The following ASCC3 variants were observed in gnomAD, a reference collection of about 807,000 sequenced individuals.
The protein encoded by ASCC3 is activating signal cointegrator 1 complex subunit 3, also known as ASC-1 complex subunit P200.
Under a neutral mutation model 256.3 loss-of-function variants are expected in ASCC3, and 158 were observed. That is an observed-to-expected ratio of 0.62 (90% CI 0.54 to 0.70). The LOEUF is 0.70. Among genes scored for constraint, ASCC3 ranks in the 30% least tolerant of loss-of-function variants. ASCC3 has a pLI of 0.00. For missense variants in ASCC3, 2,259 were observed against 2,626.0 expected (o/e 0.86, Z 3.05); for synonymous variants, 948 against 883.4 (o/e 1.07, Z -1.30).
intron 36 of ASCC3, among the ~76,000 whole-genome samples, chr6:100,546,029 A>G (rs1490849249): frequency 6.6e-6 from 1 of 152,344 alleles, no homozygotes; most frequent in East Asian, 1.9e-4. Context: ...AGAAAGTCCA[A>G]TGATATTTAA....
chr6:100,619,659 T>G (rs1031932363), intron 30 of ASCC3, among the ~76,000 whole-genome samples: 1 of 152,190 alleles, frequency 6.6e-6, no homozygotes, highest in African/African-American at 2.4e-5. Context: ...GCCCCCTGGC[T>G]AGTTGCAGAA....
At chr6:100,590,084 T>A in intron 34 of ASCC3, 25 bp from the exon 35 acceptor site, 1 of 1,525,914 alleles carries the variant, frequency 6.6e-7, no homozygotes, top group South Asian at 1.1e-5. Flanking sequence ...AGGTTATTAT[T>A]ATTTGTTTCA....
chr6:100,737,997 T>C (rs1410418117), intron 10 of ASCC3, among the ~76,000 whole-genome samples: 2 of 152,248 alleles, frequency 1.3e-5, no homozygotes, highest in Non-Finnish European at 2.9e-5. Context: ...CTGTCTTTCA[T>C]GTTTGTTGGC....
chr6:100,530,724 G>T, intron 37 of ASCC3: 1 of 956,988 alleles, frequency 1.0e-6, no homozygotes, highest in Admixed American at 1.7e-5. Flanking sequence ...AGAATTGAAA[G>T]AACCAGGACA....
chr6:100,723,897 T>TATATATA, intron 11 of ASCC3, among the ~76,000 whole-genome samples: 1 of 121,076 alleles, frequency 8.3e-6, no homozygotes, highest in Admixed American at 8.5e-5. Flanking sequence ...TATATATATA[T>TATATATA]TTATAATTAT....
chr6:100,579,085 T>C (rs1457879210), intron 36 of ASCC3, among the ~76,000 whole-genome samples: 3 of 152,082 alleles, frequency 2.0e-5, no homozygotes, highest in Non-Finnish European at 2.9e-5. Context: ...ATTAGTGACG[T>C]TGAGCACTTT....
intron 8 of ASCC3, among the ~76,000 whole-genome samples, chr6:100,797,751 T>C (rs1176990340): frequency 6.6e-6 from 1 of 152,098 alleles, no homozygotes; most frequent in Non-Finnish European, 1.5e-5. Flanking sequence ...CTATGAGTAC[T>C]TCTGATATAC....
chr6:100,835,543 T>C (rs958712618), intron 4 of ASCC3, among the ~76,000 whole-genome samples: 4 of 152,168 alleles, frequency 2.6e-5, no homozygotes, highest in African/African-American at 9.6e-5. Flanking sequence ...TTATCCATTG[T>C]GTCTTCTTGG....
intron 10 of ASCC3, among the ~76,000 whole-genome samples, chr6:100,739,165 T>G (rs968277853): frequency 7.2e-4 from 110 of 152,368 alleles, no homozygotes; most frequent in African/African-American, 2.5e-3. Context: ...TGTTGAATTT[T>G]TATCAAAGGC....
rs867753896 is a variant in ASCC3 at position 100,638,666 on chromosome 6, ATC to A, written c.4055_4056del (p.Gly1352ValfsTer8). The A allele has an allele frequency of 6.2e-7, 1 of 1,614,096 alleles. No individual in the cohort carries two copies. Among genetic ancestry groups the A allele is most frequent in the Non-Finnish European group, 8.5e-7 (1 of 1,179,966 alleles). Reference sequence around the variant, plus strand: ...AATTCAGCTGCAACAGTCTTTCCCGATCCAGTAGGTGCTCCAAGTAGGACATT... The same window carrying A: ...AATTCAGCTGCAACAGTCTTTCCCGACAGTAGGTGCTCCAAGTAGGACATT... ...DCNVLLGAPT[G>X]SGKTVAAELA... On this transcript the variant is annotated frameshift_variant, in exon 25 of 42. Coordinates refer to ENST00000369162, the MANE Select transcript of ASCC3 (RefSeq NM_006828.4). LOFTEE classifies it high-confidence loss of function.
At chr6:100,769,223 G>A (rs1781802711) in intron 8 of ASCC3, among the ~76,000 whole-genome samples, 1 of 151,990 alleles carries the variant, frequency 6.6e-6, no homozygotes, top group Admixed American at 6.6e-5. Context: ...ACAGAGGACA[G>A]GGGGAAGAAA....
intron 14 of ASCC3, among the ~76,000 whole-genome samples, chr6:100,675,933 T>A (rs1368525833): frequency 6.6e-6 from 1 of 152,166 alleles, no homozygotes; most frequent in Non-Finnish European, 1.5e-5. Context: ...AACTGAAGGA[T>A]TCATTTAACT....
At chr6:100,773,036 T>C (rs1055084582) in intron 8 of ASCC3, among the ~76,000 whole-genome samples, 1 of 152,130 alleles carries the variant, frequency 6.6e-6, no homozygotes, top group Non-Finnish European at 1.5e-5. Context: ...CCTAATTATT[T>C]CTATAGCCAT....
Position 100,604,402 on chromosome 6 carries a change from A to AT in ASCC3, c.5177+1165dup, listed in dbSNP as rs1006044585. ...TTTCTTTCTTTGAGTTTAATTCGCT[A>AT]TTTTTTTTTCTAAATTCTTGAGATC... On this transcript the variant is annotated intron_variant, in intron 33 of 41. Coordinates refer to ENST00000369162, the MANE Select transcript of ASCC3 (RefSeq NM_006828.4). Among the ~76,000 whole-genome samples, 9 of 149,306 alleles carry AT rather than the reference A, an allele frequency of 6.0e-5. No homozygotes were observed. The South Asian group carries it at 8.5e-4, about 14-fold the overall frequency.
At chr6:100,708,558 G>A (rs1434397422) in intron 13 of ASCC3, among the ~76,000 whole-genome samples, 2 of 151,990 alleles carry the variant, frequency 1.3e-5, no homozygotes, top group Non-Finnish European at 2.9e-5. Context: ...GGAACATCTG[G>A]TAATGTCTGG....
Position 100,627,990 on chromosome 6 carries a change from A to G in ASCC3, c.4376-3T>C, listed in dbSNP as rs1165825871. On this transcript the variant is annotated splice_region_variant and splice_polypyrimidine_tract_variant and intron_variant, in intron 27 of 41. Transcript: ENST00000369162. The stretch of plus-strand genomic sequence containing the variant: ...TAGAACAGGGCCTCTTTCCTCCCCT[A>G]GAAAATAGGGAAAAATCAATGTTAA... 1.2e-6 allele frequency: 2 copies of G among 1,613,014 alleles called. No homozygotes were observed. The highest frequency in any genetic ancestry group is 1.7e-5 in the Admixed American group (1 of 59,864).
chr6:100,859,114 T>C, intron 3 of ASCC3: 2 of 779,950 alleles, frequency 2.6e-6, no homozygotes, highest in Non-Finnish European at 4.8e-6. Context: ...TTTGTCATCT[T>C]AGTCCTCTGA....
intron 14 of ASCC3, among the ~76,000 whole-genome samples, chr6:100,673,807 T>C (rs1344478247): frequency 6.6e-6 from 1 of 152,182 alleles, no homozygotes; most frequent in African/African-American, 2.4e-5. Context: ...AGCCTAGGCA[T>C]GGAATTTAAA....
intron 4 of ASCC3, among the ~76,000 whole-genome samples, chr6:100,841,417 T>C (rs909694771): frequency 6.6e-6 from 1 of 152,094 alleles, no homozygotes; most frequent in African/African-American, 2.4e-5. Context: ...AAGTCATGGA[T>C]TGTGAAAACT....
Sources: allele counts gnomAD v4.1 joint callset (sites outside exome capture counted in the v4.1 genomes callset), GRCh38; gene constraint gnomAD v4.1.1; transcripts MANE v1.5; gene names NCBI Gene and HGNC (gene_info 2026-07-23, HGNC 2026-07-21).